The following IQCM variants were observed in gnomAD, a reference collection of about 807,000 sequenced individuals.
IQCM encodes IQ motif containing M.
A neutral mutation model predicts 57.6 loss-of-function variants in IQCM; 45 were observed. That is an observed-to-expected ratio of 0.78 (90% CI 0.62 to 1.00). The LOEUF is 1.00. Among genes scored for constraint, IQCM ranks in the 50% least tolerant of loss-of-function variants. The pLI, the probability that IQCM is intolerant of heterozygous loss-of-function variation, is 0.00. For missense variants in IQCM, 468 were observed against 511.6 expected, an observed-to-expected ratio of 0.91 and a Z score of 0.82; for synonymous variants, 148 against 158.9, an observed-to-expected ratio of 0.93 and a Z score of 0.51.
intron 2 of IQCM, among the ~76,000 whole-genome samples, chr4:149,752,278 C>T (rs959574124): frequency 1.1e-4 from 16 of 152,104 alleles, no homozygotes; most frequent in East Asian, 9.7e-4. Flanking sequence ...AGGCCAGGCA[C>T]GGGTGGCTCA....
At chr4:149,590,431 C>T (rs891285215) in intron 8 of IQCM, among the ~76,000 whole-genome samples, 3 of 151,666 alleles carry the variant, frequency 2.0e-5, no homozygotes, top group African/African-American at 2.4e-5. Flanking sequence ...CTTTACACAG[C>T]CACTACCTGC....
chr4:149,770,433 C>A (rs907653134), intron 2 of IQCM, among the ~76,000 whole-genome samples: 6 of 152,172 alleles, frequency 3.9e-5, no homozygotes, highest in Non-Finnish European at 7.4e-5. Flanking sequence ...TACTTTTCAA[C>A]TTCTTCTGTG....
chr4:149,356,132 T>C (rs1317810153), intron 13 of IQCM, among the ~76,000 whole-genome samples: 1 of 152,240 alleles, frequency 6.6e-6, no homozygotes, highest in Admixed American at 6.5e-5. Context: ...TCATCGTAGA[T>C]TCTGGATATT....
At chr4:149,815,047 C>T (rs921851920) in intron 2 of IQCM, among the ~76,000 whole-genome samples, 1 of 151,896 alleles carries the variant, frequency 6.6e-6, no homozygotes, top group African/African-American at 2.4e-5. Flanking sequence ...TTGTAAGAGG[C>T]TTCTCAAATA....
chr4:149,779,797 C>A (rs1432958457), intron 2 of IQCM, among the ~76,000 whole-genome samples: 3 of 152,078 alleles, frequency 2.0e-5, no homozygotes, highest in African/African-American at 7.2e-5. Flanking sequence ...CAACTTTATG[C>A]CAACTTTCAA....
chr4:149,413,368 T>C (rs892419325), intron 13 of IQCM, among the ~76,000 whole-genome samples: 2 of 152,124 alleles, frequency 1.3e-5, no homozygotes, highest in Non-Finnish European at 2.9e-5. Flanking sequence ...CCAGAGCGAC[T>C]GTCCAGGAGA....
chr4:149,502,774 C>G (rs528331946), intron 12 of IQCM, among the ~76,000 whole-genome samples: 2 of 151,990 alleles, frequency 1.3e-5, no homozygotes, highest in Non-Finnish European at 2.9e-5. Context: ...GTGCCAAGAG[C>G]AATGAACGGT....
intron 13 of IQCM, among the ~76,000 whole-genome samples, chr4:149,365,974 G>A (rs1205819067): frequency 6.6e-6 from 1 of 152,168 alleles, no homozygotes; most frequent in East Asian, 1.9e-4. Flanking sequence ...TAATTATAAG[G>A]TACAAATGTT....
intron 7 of IQCM, among the ~76,000 whole-genome samples, chr4:149,674,414 T>C (rs1303877577): frequency 6.6e-6 from 1 of 152,148 alleles, no homozygotes; most frequent in Non-Finnish European, 1.5e-5. Context: ...TTATGGAGAT[T>C]ATATTCTAGC....
rs371051488 is a variant in IQCM, at chr4:149,626,392, C to CATATATATATAT, written c.566-5160_566-5149dup. 4.7e-3 allele frequency among the ~76,000 whole-genome samples: 572 copies of CATATATATATAT among 120,540 alleles called. 28 individuals carry two copies. Among genetic ancestry groups the CATATATATATAT allele is most frequent in the African/African-American group, 0.011 (343 of 32,194 alleles). The allele number at this position is 120,540 out of a possible 152,430, so 79.1% of individuals were successfully genotyped here. On this transcript the variant is annotated intron_variant, in intron 7 of 13. Transcript: ENST00000636793. The stretch of plus-strand genomic sequence containing the variant: ...GATTGTGTTAGTTATACTTAATAAA[C>CATATATATATAT]ATATATATATATAAGTTTATAGCAA...
intron 13 of IQCM, among the ~76,000 whole-genome samples, chr4:149,381,824 G>C (rs1731098852): frequency 6.6e-6 from 1 of 152,052 alleles, no homozygotes; most frequent in Non-Finnish European, 1.5e-5. Flanking sequence ...GCCCAGGCTG[G>C]AGGGCAATAG....
intron 9 of IQCM, among the ~76,000 whole-genome samples, chr4:149,565,886 G>C (rs929830295): frequency 3.3e-5 from 5 of 152,058 alleles, no homozygotes; most frequent in African/African-American, 1.2e-4. Context: ...ATCAGTGGCT[G>C]ATTCATTCTA....
chr4:149,548,597 G>A lies in IQCM; in HGVS notation c.1094-8C>T, dbSNP rs1386369550. On this transcript the variant is annotated splice_region_variant and splice_polypyrimidine_tract_variant and intron_variant, in intron 11 of 13. Coordinates refer to ENST00000636793, the MANE Select transcript of IQCM (RefSeq NM_001363507.2). ...CAAACATTATTTCATAGACTAAAAG[G>A]ACAAAAATGTAAAAGAAAATATTTT... 2.5e-6 allele frequency: 3 copies of A among 1,197,766 alleles called. No homozygotes were observed. The highest frequency in any genetic ancestry group is 4.2e-5 in the South Asian group (1 of 23,590). The allele number at this position is 1,197,766 out of a possible 1,614,324, so 74.2% of individuals were successfully genotyped here.
intron 7 of IQCM, among the ~76,000 whole-genome samples, chr4:149,657,652 T>C (rs954971206): frequency 5.3e-5 from 8 of 152,152 alleles, no homozygotes; most frequent in African/African-American, 1.7e-4. Flanking sequence ...CTTTTCTCTA[T>C]ATCTTCGTTA....
At chr4:149,612,500 T>C (rs1029413010) in intron 8 of IQCM, among the ~76,000 whole-genome samples, 2 of 152,142 alleles carry the variant, frequency 1.3e-5, no homozygotes, top group African/African-American at 4.8e-5. Context: ...TAAATACATA[T>C]GTATGTTCAT....
intron 12 of IQCM, among the ~76,000 whole-genome samples, chr4:149,486,007 A>G (rs764911454): frequency 1.5e-3 from 198 of 127,822 alleles, no homozygotes; most frequent in Non-Finnish European, 2.7e-3. Flanking sequence ...CTTTCTCCCA[A>G]GCAAACAGAG....
At chr4:149,774,655 TG>T (rs1337757357) in intron 2 of IQCM, among the ~76,000 whole-genome samples, 2 of 151,954 alleles carry the variant, frequency 1.3e-5, no homozygotes, top group Non-Finnish European at 2.9e-5. Flanking sequence ...CTGCTGCACT[TG>T]GGGACGTCCT....
chr4:149,647,286 A>G (rs970728428), intron 7 of IQCM, among the ~76,000 whole-genome samples: 1 of 152,138 alleles, frequency 6.6e-6, no homozygotes, highest in African/African-American at 2.4e-5. Flanking sequence ...GGCTTTTTAA[A>G]TCTTTAAAGG....
intron 2 of IQCM, among the ~76,000 whole-genome samples, chr4:149,759,127 T>C (rs1769268165): frequency 6.6e-6 from 1 of 152,148 alleles, no homozygotes; most frequent in South Asian, 2.1e-4. Context: ...TGGAAGAAAC[T>C]TAAATGCACA....
Sources: allele counts gnomAD v4.1 joint callset (sites outside exome capture counted in the v4.1 genomes callset), GRCh38; gene constraint gnomAD v4.1.1; transcripts MANE v1.5; gene names NCBI Gene and HGNC (gene_info 2026-07-23, HGNC 2026-07-21).